Variants in ZNF609 observed in about 807,000 individuals in gnomAD.
ZNF609 encodes zinc finger protein 609.
Under a neutral mutation model 109.5 loss-of-function variants are expected in ZNF609, and 11 were observed. The ratio of observed to expected loss-of-function variants is 0.10; its 90% CI spans 0.06 to 0.17. The LOEUF (loss-of-function observed/expected upper bound fraction) is 0.17, where lower values mean the gene tolerates loss of function less well. Ranked by LOEUF, ZNF609 falls within the 10% of genes least tolerant of loss-of-function variation. ZNF609 has a pLI of 1.00. For synonymous variants in ZNF609, 646 were observed against 662.0 expected (o/e 0.98, Z 0.37); for missense variants, 1,559 against 1,772.4 (o/e 0.88, Z 2.16).
chr15:64,631,704 GTA>G, intron 3 of ZNF609: 1 of 192,914 alleles, frequency 5.2e-6, no homozygotes, highest in Non-Finnish European at 1.0e-5. Context: ...AGCTAATTTT[GTA>G]TTTTTTTTTT....
At chr15:64,662,052 G>C (rs1340827111) in intron 3 of ZNF609, among the ~76,000 whole-genome samples, 3 of 152,088 alleles carry the variant, frequency 2.0e-5, no homozygotes, top group Admixed American at 2.0e-4. Context: ...TGTTGACTGG[G>C]GCTGCCATCA....
At chr15:64,635,951 AAAG>A (rs1196249201) in intron 3 of ZNF609, among the ~76,000 whole-genome samples, 1 of 152,172 alleles carries the variant, frequency 6.6e-6, no homozygotes, top group Non-Finnish European at 1.5e-5. Flanking sequence ...TTTACAGAAC[AAAG>A]AAATCACAGG....
chr15:64,547,650 CT>C (rs569047024), intron 2 of ZNF609, among the ~76,000 whole-genome samples: 1,799 of 145,428 alleles, frequency 0.012, 9 homozygotes, highest in Middle Eastern at 0.033. Flanking sequence ...CCACTTACCA[CT>C]TTTTTTTTTT....
intron 2 of ZNF609, among the ~76,000 whole-genome samples, chr15:64,518,072 G>T (rs753643298): frequency 2.6e-5 from 4 of 152,198 alleles, no homozygotes; most frequent in Non-Finnish European, 5.9e-5. Flanking sequence ...GTGAGCCATC[G>T]TGCTGGGTTC....
At chr15:64,603,804 G>A (rs1318766189) in intron 2 of ZNF609, among the ~76,000 whole-genome samples, 1 of 151,592 alleles carries the variant, frequency 6.6e-6, no homozygotes, top group African/African-American at 2.4e-5. Flanking sequence ...TTTGAGACCA[G>A]CCTGGCCAAG....
chr15:64,588,163 T>A (rs1895228575), intron 2 of ZNF609, among the ~76,000 whole-genome samples: 1 of 149,436 alleles, frequency 6.7e-6, no homozygotes, highest in African/African-American at 2.5e-5. Context: ...GTGCGGTGGC[T>A]CACGCCTGTA....
intron 2 of ZNF609, among the ~76,000 whole-genome samples, chr15:64,597,234 G>A (rs778326023): frequency 6.6e-6 from 1 of 152,102 alleles, no homozygotes; most frequent in Admixed American, 6.5e-5. Flanking sequence ...CTTGCTCAGT[G>A]CCCTCAGCTT....
At chr15:64,575,540 A>G (rs931920190) in intron 2 of ZNF609, among the ~76,000 whole-genome samples, 1 of 152,204 alleles carries the variant, frequency 6.6e-6, no homozygotes, top group Non-Finnish European at 1.5e-5. Context: ...AATAACAACC[A>G]TGGAGGAACT....
At chr15:64,624,066 A>G (rs141415049) in intron 3 of ZNF609, among the ~76,000 whole-genome samples, 2 of 152,310 alleles carry the variant, frequency 1.3e-5, no homozygotes, top group East Asian at 3.9e-4. Context: ...GTTCCCCTGA[A>G]TATTTTGTTG....
At chr15:64,502,855 T>G (rs1220561534) in intron 2 of ZNF609, 1 of 152,098 alleles carries the variant, frequency 6.6e-6, no homozygotes, top group African/African-American at 2.4e-5. Context: ...TTGCTTAAGC[T>G]CAGGAGTTTG....
intron 2 of ZNF609, among the ~76,000 whole-genome samples, chr15:64,605,007 A>G (rs1196135237): frequency 1.3e-5 from 2 of 151,458 alleles, no homozygotes; most frequent in African/African-American, 2.4e-5. Context: ...AATTTTTTGT[A>G]TTTTCAGTAG....
In ZNF609 at chr15:64,668,321, C is replaced by G. The variant is rs573507141; in HGVS notation, c.974-2025C>G. The stretch of plus-strand genomic sequence containing the variant: ...CTGGAAATTATTTATAAAACAAATA[C>G]AACAAGACTGTGAAACGTGGAAGAA... On this transcript the variant is annotated intron_variant, in intron 3 of 9. Transcript: ENST00000326648. Among the ~76,000 whole-genome samples the G allele has an allele frequency of 1.6e-4, 24 of 152,240 alleles. No homozygotes were observed. The South Asian group carries it at 5.0e-3, about 32-fold the overall frequency.
At chr15:64,489,982 A>G (rs949119496) in intron 1 of ZNF609, among the ~76,000 whole-genome samples, 1 of 148,046 alleles carries the variant, frequency 6.8e-6, no homozygotes, top group African/African-American at 2.5e-5. Context: ...TGTTTGAGAC[A>G]GCACCTCGCT....
chr15:64,548,723 CT>C (rs1894408592), intron 2 of ZNF609, among the ~76,000 whole-genome samples: 2 of 152,074 alleles, frequency 1.3e-5, no homozygotes, highest in South Asian at 2.1e-4. Context: ...GATCTTGTCA[CT>C]GCACTTTAGC....
At chr15:64,664,384 C>G (rs976968943) in intron 3 of ZNF609, among the ~76,000 whole-genome samples, 3 of 152,144 alleles carry the variant, frequency 2.0e-5, no homozygotes, top group Non-Finnish European at 4.4e-5. Context: ...GTCCATAAGA[C>G]TTGGTAAATC....
intron 2 of ZNF609, among the ~76,000 whole-genome samples, chr15:64,599,368 G>T (rs1338392168): frequency 6.6e-6 from 1 of 151,982 alleles, no homozygotes; most frequent in Non-Finnish European, 1.5e-5. Flanking sequence ...ATGTTTGTCT[G>T]TTTGTTCATA....
intron 3 of ZNF609, among the ~76,000 whole-genome samples, chr15:64,624,259 A>T (rs1164837984): frequency 6.6e-6 from 1 of 152,190 alleles, no homozygotes; most frequent in Non-Finnish European, 1.5e-5. Flanking sequence ...GAAGGTAGAG[A>T]GAGAGTTTAA....
intron 1 of ZNF609, among the ~76,000 whole-genome samples, chr15:64,482,546 G>A (rs1893270855): frequency 6.6e-6 from 1 of 152,122 alleles, no homozygotes; most frequent in African/African-American, 2.4e-5. Flanking sequence ...TAAGGAACTG[G>A]TGTAGATTTC....
intron 2 of ZNF609, among the ~76,000 whole-genome samples, chr15:64,591,225 C>G (rs193094090): frequency 6.6e-6 from 1 of 152,026 alleles, no homozygotes; most frequent in Non-Finnish European, 1.5e-5. Context: ...GTCAAGAGAT[C>G]GAGACCATCC....
Sources: allele counts gnomAD v4.1 joint callset (sites outside exome capture counted in the v4.1 genomes callset), GRCh38; gene constraint gnomAD v4.1.1; transcripts MANE v1.5; gene names NCBI Gene and HGNC (gene_info 2026-07-23, HGNC 2026-07-21).